Variants in DLG1 observed in about 807,000 individuals in gnomAD.
The protein encoded by DLG1 is disks large homolog 1.
In DLG1, 42 loss-of-function variants were observed where a neutral mutation model predicts 123.4. The ratio of observed to expected loss-of-function variants is 0.34; its 90% CI spans 0.27 to 0.44. The LOEUF (loss-of-function observed/expected upper bound fraction) is 0.44. DLG1 is among the 20% of genes least tolerant of loss of function. The probability of loss-of-function intolerance (pLI) is 1.00; values close to 1 mark genes in which losing one functional copy is unlikely to be tolerated. For synonymous variants in DLG1, 317 were observed against 356.2 expected, an observed-to-expected ratio of 0.89 and a Z score of 1.24; for missense variants, 942 against 1,082.6, an observed-to-expected ratio of 0.87 and a Z score of 1.82.
At chr3:197,297,582 T>C (rs988406478) in intron 1 of DLG1, 23 of 1,031,698 alleles carry the variant, frequency 2.2e-5, no homozygotes, top group African/African-American at 6.8e-5. Context: ...CTCCGACCCT[T>C]GGCCCCTGAG....
chr3:197,161,994 T>A (rs1410066296), intron 5 of DLG1, among the ~76,000 whole-genome samples: 2 of 152,178 alleles, frequency 1.3e-5, no homozygotes, highest in Non-Finnish European at 2.9e-5. Flanking sequence ...ATCATAATAA[T>A]AAAAGATTAT....
At chr3:197,267,185 C>A (rs112231201) in intron 4 of DLG1, among the ~76,000 whole-genome samples, 1 of 152,006 alleles carries the variant, frequency 6.6e-6, no homozygotes, top group African/African-American at 2.4e-5. Context: ...TACAGTTTCT[C>A]CATGATTAAA....
At chr3:197,210,938 A>G (rs1216009136) in intron 4 of DLG1, among the ~76,000 whole-genome samples, 1 of 146,182 alleles carries the variant, frequency 6.8e-6, no homozygotes, top group Non-Finnish European at 1.5e-5. Flanking sequence ...AGCAAATTGA[A>G]TATGAAAAGG....
chr3:197,077,449 G>A (rs997827954), intron 17 of DLG1, among the ~76,000 whole-genome samples: 4 of 151,978 alleles, frequency 2.6e-5, no homozygotes, highest in African/African-American at 9.7e-5. Context: ...CCTGACCAAC[G>A]TGAATGCTAT....
At chr3:197,079,005 T>C (rs1749164260) in intron 17 of DLG1, among the ~76,000 whole-genome samples, 1 of 152,128 alleles carries the variant, frequency 6.6e-6, no homozygotes, top group African/African-American at 2.4e-5. Flanking sequence ...TAAGAAAGTA[T>C]TAGTTGTATC....
intron 14 of DLG1, among the ~76,000 whole-genome samples, chr3:197,097,565 C>CT (rs1416438205): frequency 1.4e-5 from 2 of 142,958 alleles, no homozygotes; most frequent in Non-Finnish European, 3.1e-5. Flanking sequence ...AATCTACTAT[C>CT]TTTTTTTGTA....
Position 197,246,077 on chromosome 3 carries a change from T to C in DLG1, c.318+36602A>G, listed in dbSNP as rs145724316. Among the ~76,000 whole-genome samples the C allele has an allele frequency of 3.9e-3, 597 of 152,316 alleles. 3 individuals carry two copies. Among genetic ancestry groups the C allele is most frequent in the African/African-American group, 0.013 (561 of 41,576 alleles). ...TATAAATAGTTCCTTCTTGATTTTG[T>C]AAATGTTCTAAGGCTTGATTTATTG... is the stretch of plus-strand genomic sequence containing the variant. On this transcript the variant is annotated intron_variant, in intron 4 of 24. Transcript: ENST00000667157.
chr3:197,162,185 A>C (rs541005088), intron 5 of DLG1, among the ~76,000 whole-genome samples: 1 of 152,310 alleles, frequency 6.6e-6, no homozygotes, highest in Admixed American at 6.5e-5. Context: ...CCGTGATACT[A>C]ACTTCTGTTA....
At chr3:197,295,452 G>A (rs1373236971) in intron 3 of DLG1, among the ~76,000 whole-genome samples, 1 of 150,858 alleles carries the variant, frequency 6.6e-6, no homozygotes, top group African/African-American at 2.4e-5. Flanking sequence ...GTCTTCTTAT[G>A]TTAAAATGTT....
intron 4 of DLG1, among the ~76,000 whole-genome samples, chr3:197,235,867 T>C (rs1417949995): frequency 3.3e-5 from 5 of 151,972 alleles, no homozygotes; most frequent in African/African-American, 1.2e-4. Context: ...AAAACACTCA[T>C]AAAACTTAAG....
At chr3:197,242,084 T>G (rs1275807691) in intron 4 of DLG1, among the ~76,000 whole-genome samples, 4 of 151,842 alleles carry the variant, frequency 2.6e-5, no homozygotes, top group Non-Finnish European at 5.9e-5. Context: ...TACACATACA[T>G]TAAAAGGGAG....
intron 4 of DLG1, among the ~76,000 whole-genome samples, chr3:197,206,163 T>C (rs1728418433): frequency 6.6e-6 from 1 of 152,210 alleles, no homozygotes; most frequent in Non-Finnish European, 1.5e-5. Context: ...TTCTGACTAT[T>C]ACAGTATGCT....
At position 197,132,627 on chromosome 3, in the gene DLG1, T is replaced by C. The variant is rs1783225456; in HGVS notation, c.1021-1956A>G. Among the ~76,000 whole-genome samples, 3 of 147,508 alleles carry C rather than the reference T, an allele frequency of 2.0e-5. No individual in the cohort carries two copies. In the Admixed American group the frequency reaches 2.1e-4, roughly 10 times the overall value. On this transcript the variant is annotated intron_variant, in intron 10 of 24. Coordinates refer to ENST00000667157, the MANE Select transcript of DLG1 (RefSeq NM_001366207.1). ...AAATACACATTAAATAGCTGTGGCA[T>C]ACTGCTGAAATACACATTAAATAGC...
At chr3:197,224,086 A>G (rs1466138867) in intron 4 of DLG1, among the ~76,000 whole-genome samples, 1 of 152,200 alleles carries the variant, frequency 6.6e-6, no homozygotes, top group East Asian at 1.9e-4. Flanking sequence ...TTGTAAACAT[A>G]TAACTTAGAT....
At chr3:197,195,911 A>C (rs1203596326) in intron 4 of DLG1, among the ~76,000 whole-genome samples, 1 of 152,056 alleles carries the variant, frequency 6.6e-6, no homozygotes, top group Non-Finnish European at 1.5e-5. Flanking sequence ...GTAAACTTAG[A>C]GGAAAAAACG....
chr3:197,219,895 G>A (rs1014603799), intron 4 of DLG1, among the ~76,000 whole-genome samples: 3 of 152,158 alleles, frequency 2.0e-5, no homozygotes, highest in African/African-American at 4.8e-5. Flanking sequence ...TCAGCCTCCA[G>A]AACACTGAGA....
intron 5 of DLG1, among the ~76,000 whole-genome samples, chr3:197,152,785 A>AG (rs1794622412): frequency 2.0e-5 from 3 of 150,750 alleles, no homozygotes; most frequent in South Asian, 4.2e-4. Context: ...AAAAAAAAAA[A>AG]AGTCAAGTTT....
chr3:197,101,988 C>A (rs1170943050), intron 14 of DLG1, among the ~76,000 whole-genome samples: 1 of 152,026 alleles, frequency 6.6e-6, no homozygotes, highest in Admixed American at 6.6e-5. Flanking sequence ...AACTCCTGGG[C>A]TCAAGTAATC....
chr3:197,154,455 C>A (rs1795413582), intron 5 of DLG1, among the ~76,000 whole-genome samples: 1 of 152,060 alleles, frequency 6.6e-6, no homozygotes, highest in Non-Finnish European at 1.5e-5. Context: ...GTGGGTGGAT[C>A]ACTAGGTCAG....
Sources: allele counts gnomAD v4.1 joint callset (sites outside exome capture counted in the v4.1 genomes callset), GRCh38; gene constraint gnomAD v4.1.1; transcripts MANE v1.5; gene names NCBI Gene and HGNC (gene_info 2026-07-23, HGNC 2026-07-21).